The following NCAPD3 variants were observed in gnomAD, a reference collection of about 807,000 sequenced individuals.
The protein encoded by NCAPD3 is condensin-2 complex subunit D3.
In NCAPD3, 105 loss-of-function variants were observed where a neutral mutation model predicts 182.9. That is an observed-to-expected ratio of 0.57 (90% CI 0.49 to 0.68). NCAPD3 has a LOEUF of 0.68. NCAPD3 is among the 30% of genes least tolerant of loss of function. NCAPD3 has a pLI of 0.00. For synonymous variants in NCAPD3, 815 were observed against 679.9 expected (o/e 1.20, Z -3.09); for missense variants, 1,944 against 1,837.0 (o/e 1.06, Z -1.07).
chr11:134,213,448 T>C (rs1937913305), intron 3 of NCAPD3, among the ~76,000 whole-genome samples: 1 of 151,298 alleles, frequency 6.6e-6, no homozygotes, highest in South Asian at 2.1e-4. Context: ...GCCTCCCGAG[T>C]AACTGGGATT....
At chr11:134,163,594 G>A (rs1943656689) in intron 27 of NCAPD3, among the ~76,000 whole-genome samples, 2 of 151,904 alleles carry the variant, frequency 1.3e-5, no homozygotes, top group South Asian at 4.2e-4. Context: ...CAGCTACTAG[G>A]GAGGCTGAGG....
chr11:134,218,027 A>T (rs1260330113), intron 2 of NCAPD3, among the ~76,000 whole-genome samples: 1 of 145,116 alleles, frequency 6.9e-6, no homozygotes, highest in Non-Finnish European at 1.5e-5. Context: ...GAGCCCAATA[A>T]GTTGAGGCTG....
At chr11:134,203,249 G>A (rs1565550941) in intron 11 of NCAPD3, 51 bp from the exon 12 acceptor site, 1 of 1,272,910 alleles carries the variant, frequency 7.9e-7, no homozygotes, top group South Asian at 1.2e-5. Flanking sequence ...CATAAACTGA[G>A]TAATTATCCA....
rs200675293 is a variant in NCAPD3 at position 134,165,971 on chromosome 11, ACT to A, written c.3573+2023_3573+2024del. Among the ~76,000 whole-genome samples, 92 of 114,136 alleles carry A rather than the reference ACT, an allele frequency of 8.1e-4. 1 individual carries two copies. The highest frequency in any genetic ancestry group is 1.1e-3 in the Non-Finnish European group (62 of 55,452). 74.9% of individuals were successfully genotyped at this position (114,136 alleles called of 152,430 possible). A position where few individuals can be genotyped will look rare whatever the true frequency, so the allele number is the denominator to read the frequency against. On this transcript the variant is annotated intron_variant, in intron 27 of 34. Transcript: ENST00000534548. ...TGAGATGAGCTTGGGGGAGGGGCAC[ACT>A]CAGTGAGATGAGCTTAGGGAGAGCA...
intron 27 of NCAPD3, among the ~76,000 whole-genome samples, chr11:134,163,956 G>A (rs187368153): frequency 1.3e-5 from 2 of 151,532 alleles, no homozygotes; most frequent in Admixed American, 1.3e-4. Context: ...AAAGAAACCA[G>A]AAACAGAAAG....
intron 32 of NCAPD3, chr11:134,153,600 C>G (rs1373782625): frequency 3.5e-6 from 2 of 567,302 alleles, no homozygotes; most frequent in Admixed American, 6.1e-5. Flanking sequence ...TCGGCTGGCC[C>G]CTGGGCCTCA....
chr11:134,202,689 AGCTG>A, intron 13 of NCAPD3, 123 bp downstream of exon 13: 1 of 658,396 alleles, frequency 1.5e-6, no homozygotes, highest in Non-Finnish European at 2.5e-6. Context: ...ACGCCCAGCC[AGCTG>A]TTTCAACTCT....
In NCAPD3 at chr11:134,192,385, G is replaced by A. The variant is rs182728710; in HGVS notation, c.2045+304C>T. Among the ~76,000 whole-genome samples, 255 of 152,336 alleles carry A rather than the reference G, an allele frequency of 1.7e-3. 1 individual carries two copies. Among genetic ancestry groups the A allele is most frequent in the Middle Eastern group, 6.8e-3 (2 of 294 alleles). ...ATCCTTCGTGATAACCAGTATTGGG[G>A]AAAGGTGATATTAATATGTATCTCC... On this transcript the variant is annotated intron_variant, in intron 16 of 34. Coordinates refer to ENST00000534548, the MANE Select transcript of NCAPD3 (RefSeq NM_015261.3).
At position 134,177,201 on chromosome 11, in the gene NCAPD3, T is replaced by C. The variant is rs756954163; in HGVS notation, c.3021+18A>G. ...GCAATGGTGAAGGGGAAAGGACAGA[T>C]TGAACCCCCCTACGCACCTGCAAGA... is the stretch of plus-strand genomic sequence containing the variant. On this transcript the variant is annotated intron_variant, in intron 23 of 34. Transcript: ENST00000534548. 29 of 1,574,038 alleles carry C rather than the reference T, an allele frequency of 1.8e-5. No homozygotes were observed. The highest frequency in any genetic ancestry group is 5.0e-5 in the Admixed American group (3 of 59,928).
At chr11:134,181,403 G>GTA (rs1374032397) in intron 19 of NCAPD3, among the ~76,000 whole-genome samples, 1 of 152,168 alleles carries the variant, frequency 6.6e-6, no homozygotes, top group Non-Finnish European at 1.5e-5. Context: ...AAAGAACGGT[G>GTA]TATATATCAT....
At chr11:134,220,149 C>T (rs1301873506) in intron 2 of NCAPD3, among the ~76,000 whole-genome samples, 1 of 151,584 alleles carries the variant, frequency 6.6e-6, no homozygotes, top group Non-Finnish European at 1.5e-5. Flanking sequence ...TTGCATTTTC[C>T]TTGGTCTAGT....
At chr11:134,194,190 G>A (rs746712640) in intron 14 of NCAPD3, 40 bp from the exon 15 acceptor site, 1 of 1,587,632 alleles carries the variant, frequency 6.3e-7, no homozygotes, top group Non-Finnish European at 8.6e-7. Context: ...TAACTGCATA[G>A]CATCAACTCA....
intron 7 of NCAPD3, among the ~76,000 whole-genome samples, chr11:134,207,756 A>C (rs900974798): frequency 2.0e-5 from 3 of 151,816 alleles, no homozygotes; most frequent in Admixed American, 6.5e-5. Flanking sequence ...AAAAAAAAAA[A>C]AAAAAAAAAA....
rs117987654 is a variant in NCAPD3 at position 134,184,120 on chromosome 11, G to A, written c.2451+517C>T. 4.8e-3 allele frequency among the ~76,000 whole-genome samples: 730 copies of A among 152,278 alleles called. 4 individuals carry two copies. The highest frequency in any genetic ancestry group is 0.02 in the Middle Eastern group (6 of 294). ...CCATAAATCACTGATGTGGATTTCTGTTTATATAAAAACACTAGCTGTGGG... is the reference window on the plus strand; with the variant it reads ...CCATAAATCACTGATGTGGATTTCTATTTATATAAAAACACTAGCTGTGGG... On this transcript the variant is annotated intron_variant, in intron 19 of 34. Transcript: ENST00000534548.
At chr11:134,176,537 G>A (rs886528845) in intron 23 of NCAPD3, 151 bp from the exon 24 acceptor site, 3 of 652,644 alleles carry the variant, frequency 4.6e-6, no homozygotes, top group Admixed American at 2.5e-5. Context: ...ATGTAGTGCC[G>A]AGAAGTGTAT....
rs754572823 is a variant in NCAPD3, at chr11:134,220,633, G to A, written c.158C>T (p.Ala53Val). ...AAGGCTTTCATAGAGTTTTGTGAATGCAGCCAATCCAGTCTCTATGATCTC... is the reference window on the plus strand; with the variant it reads ...AAGGCTTTCATAGAGTTTTGTGAATACAGCCAATCCAGTCTCTATGATCTC... ...EAEIIETGLA[A>V]FTKLYESLLP... Residue 53 changes from alanine to valine, a missense_variant, in exon 2 of 35, where the codon GCA (alanine) becomes GTA (valine). By Grantham distance (64) the Ala-to-Val change is moderately conservative. Transcript: ENST00000534548. 1 of 1,613,958 alleles carries A rather than the reference G, an allele frequency of 6.2e-7. No individual in the cohort carries two copies. The highest frequency in any genetic ancestry group is 8.5e-7 in the Non-Finnish European group (1 of 1,179,868).
chr11:134,206,171 G>A (rs887441167), intron 8 of NCAPD3, among the ~76,000 whole-genome samples: 6 of 152,126 alleles, frequency 3.9e-5, no homozygotes, highest in Non-Finnish European at 8.8e-5. Context: ...TTTCTACAGA[G>A]GGAAAGGAAT....
intron 16 of NCAPD3, among the ~76,000 whole-genome samples, chr11:134,191,989 A>T (rs1433540444): frequency 6.6e-6 from 1 of 152,184 alleles, no homozygotes; most frequent in Non-Finnish European, 1.5e-5. Flanking sequence ...CATCATGCTG[A>T]CATTCAGAAA....
At chr11:134,224,630 A>G (rs984548512), upstream of NCAPD3, 1 of 152,172 alleles carries the variant, frequency 6.6e-6, no homozygotes, top group Admixed American at 6.5e-5. Flanking sequence ...CCGCTGCTCC[A>G]GCGCATCCGG....
Sources: allele counts gnomAD v4.1 joint callset (sites outside exome capture counted in the v4.1 genomes callset), GRCh38; gene constraint gnomAD v4.1.1; transcripts MANE v1.5; gene names NCBI Gene and HGNC (gene_info 2026-07-23, HGNC 2026-07-21).